GUCY2F: variants seen among roughly 807,000 people sequenced by gnomAD.
GUCY2F encodes retinal guanylyl cyclase 2.
GUCY2F carries 61 observed loss-of-function variants against 73.1 expected under a neutral mutation model. The observed-to-expected ratio is 0.83, with a 90% CI of 0.68 to 1.03. The LOEUF is 1.03. Among genes scored for constraint, GUCY2F ranks in the 50% least tolerant of loss-of-function variants. GUCY2F has a pLI of 0.00. For synonymous variants in GUCY2F, 331 were observed against 307.8 expected (o/e 1.08, Z -0.79); for missense variants, 912 against 854.3 (o/e 1.07, Z -0.84).
intron 6 of GUCY2F, among the ~76,000 whole-genome samples, chrX:109,443,009 A>G (rs1197647858): frequency 1.8e-5 from 2 of 112,021 alleles, no homozygotes; most frequent in Non-Finnish European, 3.8e-5. Context: ...CTAACCTGCC[A>G]ATTTTTCTAG....
intron 7 of GUCY2F, among the ~76,000 whole-genome samples, chrX:109,436,451 T>C (rs775886612): frequency 9.0e-6 from 1 of 111,267 alleles, no homozygotes; most frequent in Non-Finnish European, 1.9e-5. Context: ...ACCCAAAGGA[T>C]TATAAATCAT....
At chrX:109,382,465 A>T (rs1449521784) in intron 16 of GUCY2F, among the ~76,000 whole-genome samples, 1 of 111,927 alleles carries the variant, frequency 8.9e-6, no homozygotes, top group East Asian at 2.8e-4. Flanking sequence ...ATGCAATAGA[A>T]AGGTGTTAAT....
chrX:109,426,513 T>C (rs764035684), intron 8 of GUCY2F, among the ~76,000 whole-genome samples: 1 of 112,248 alleles, frequency 8.9e-6, no homozygotes, highest in African/African-American at 3.2e-5. Flanking sequence ...CTCAGCCTCC[T>C]GAGTAACTGG....
intron 2 of GUCY2F, among the ~76,000 whole-genome samples, chrX:109,470,072 T>C (rs990183569): frequency 1.8e-5 from 2 of 112,026 alleles, no homozygotes; most frequent in African/African-American, 6.5e-5. Flanking sequence ...TCAGACCATG[T>C]TTTTTTCCAC....
intron 7 of GUCY2F, among the ~76,000 whole-genome samples, chrX:109,434,214 A>G (rs1274876485): frequency 9.1e-6 from 1 of 110,365 alleles, no homozygotes; most frequent in African/African-American, 3.3e-5. Context: ...TGTCAGGGTT[A>G]CACTGCTGCC....
Position 109,430,381 on chromosome X carries a change from G to T in GUCY2F, c.1717C>A (p.Leu573Met). The T allele has an allele frequency of 9.1e-7, 1 of 1,098,784 alleles. No homozygotes were observed. The highest frequency in any genetic ancestry group is 1.3e-6 in the Non-Finnish European group (1 of 792,535). The allele number at this position is 1,098,784 out of a possible 1,213,427, so 90.6% of individuals were successfully genotyped here. The change falls in exon 8 of 20, where the codon CTG (leucine) becomes ATG (methionine). Residue 573 changes from leucine (L) to methionine (M), a missense_variant. By Grantham distance (15) the Leu-to-Met change is conservative. Transcript: ENST00000218006. ...AAATCTCCAAGGGAGAACTTTTTCA[G>T]CCACACCCAATCACCCTAGAAAGAA... is the stretch of plus-strand genomic sequence containing the variant. The part of the protein sequence containing the change: ...IAIYEGDWVW[L>M]KKFSLGDFGD...
At chrX:109,376,238 G>C (rs188788255) in intron 17 of GUCY2F, 71 bp from the exon 18 acceptor site, 8 of 785,208 alleles carry the variant, frequency 1.0e-5, no homozygotes, top group South Asian at 2.3e-5. Flanking sequence ...AAGCATTCAG[G>C]TTGGCTCAGA....
At chrX:109,412,975 C>T (rs755535341) in intron 8 of GUCY2F, among the ~76,000 whole-genome samples, 2 of 112,390 alleles carry the variant, frequency 1.8e-5, no homozygotes, top group East Asian at 5.6e-4. Context: ...CACCTGCCAA[C>T]AGTACAGGAA....
chrX:109,392,602 C>A (rs758464033), intron 13 of GUCY2F, among the ~76,000 whole-genome samples: 1 of 111,754 alleles, frequency 8.9e-6, no homozygotes, highest in Non-Finnish European at 1.9e-5. Flanking sequence ...TTCTTTTAAT[C>A]GGTCAACCTC....
intron 8 of GUCY2F, among the ~76,000 whole-genome samples, chrX:109,416,487 C>A (rs1196627308): frequency 1.1e-5 from 1 of 87,688 alleles, no homozygotes; most frequent in African/African-American, 4.2e-5. Flanking sequence ...TAAAAAATAC[C>A]CAGTCTGAAA....
intron 12 of GUCY2F, among the ~76,000 whole-genome samples, chrX:109,394,562 C>T (rs944323272): frequency 3.6e-5 from 4 of 112,322 alleles, no homozygotes; most frequent in African/African-American, 1.3e-4. Context: ...AAAAGCCTCT[C>T]TGCCAGAGCT....
At chrX:109,407,606 C>T (rs1010365187) in intron 9 of GUCY2F, among the ~76,000 whole-genome samples, 5 of 112,877 alleles carry the variant, frequency 4.4e-5, no homozygotes, top group African/African-American at 1.3e-4. Context: ...GGCCTGGAGG[C>T]CCAGGAGGAA....
chrX:109,408,640 C>A (rs1476936329), intron 9 of GUCY2F, among the ~76,000 whole-genome samples: 1 of 111,969 alleles, frequency 8.9e-6, no homozygotes, highest in Non-Finnish European at 1.9e-5. Context: ...GAGGGCTGGT[C>A]TTTTCTGTGC....
At chrX:109,394,935 T>A (rs1020231945) in intron 12 of GUCY2F, among the ~76,000 whole-genome samples, 3 of 112,218 alleles carry the variant, frequency 2.7e-5, no homozygotes, top group Non-Finnish European at 5.6e-5. Context: ...ATTGGTACAC[T>A]CATGAGAGTT....
chrX:109,466,506 G>C (rs1452571916), intron 2 of GUCY2F, among the ~76,000 whole-genome samples: 1 of 111,429 alleles, frequency 9.0e-6, no homozygotes, highest in Non-Finnish European at 1.9e-5. Context: ...AGGGGGCCAC[G>C]GTTGAAAAAT....
chrX:109,383,078 G>A (rs183112780), intron 16 of GUCY2F, among the ~76,000 whole-genome samples: 1 of 111,326 alleles, frequency 9.0e-6, no homozygotes, highest in African/African-American at 3.3e-5. Flanking sequence ...AAGGCATGGC[G>A]GGAGAGAACT....
intron 8 of GUCY2F, among the ~76,000 whole-genome samples, chrX:109,414,539 C>T (rs1320536975): frequency 8.9e-6 from 1 of 111,785 alleles, no homozygotes; most frequent in Non-Finnish European, 1.9e-5. Flanking sequence ...TTGCCAGTCC[C>T]TGAGAGACAG....
At chrX:109,461,599 C>T (rs1194898224) in intron 3 of GUCY2F, among the ~76,000 whole-genome samples, 1 of 111,561 alleles carries the variant, frequency 9.0e-6, no homozygotes. Context: ...ATAAGGGTGG[C>T]AATGAGTGAT....
intron 17 of GUCY2F, among the ~76,000 whole-genome samples, chrX:109,380,423 G>A (rs1333006656): frequency 2.7e-5 from 3 of 111,297 alleles, no homozygotes; most frequent in Non-Finnish European, 5.7e-5. Context: ...GGGAGGTAGA[G>A]GGTACAGACA....
Sources: allele counts gnomAD v4.1 joint callset (sites outside exome capture counted in the v4.1 genomes callset), GRCh38; gene constraint gnomAD v4.1.1; transcripts MANE v1.5; gene names NCBI Gene and HGNC (gene_info 2026-07-23, HGNC 2026-07-21).